Variants in MAPK10 observed in about 807,000 individuals in gnomAD.
The protein encoded by MAPK10 is mitogen-activated protein kinase 10.
Under a neutral mutation model 59.3 loss-of-function variants are expected in MAPK10, and 25 were observed. The observed-to-expected ratio is 0.42, with a 90% CI of 0.31 to 0.59. The LOEUF is 0.59. MAPK10 is among the 20% of genes least tolerant of loss of function. MAPK10 has a pLI of 0.15. For missense variants in MAPK10, 351 were observed against 568.9 expected (o/e 0.62, Z 3.90); for synonymous variants, 190 against 200.5 (o/e 0.95, Z 0.44).
chr4:86,241,770 A>C (rs2092736739), intron 2 of MAPK10, among the ~76,000 whole-genome samples: 3 of 152,168 alleles, frequency 2.0e-5, no homozygotes, highest in Admixed American at 2.0e-4. Context: ...ATTGGGTTAG[A>C]ATATGCTCCT....
chr4:86,513,058 C>CTTTTTTTCT (rs1229238225), intron 1 of MAPK10, among the ~76,000 whole-genome samples: 1 of 152,004 alleles, frequency 6.6e-6, no homozygotes, highest in East Asian at 1.9e-4. Flanking sequence ...CTAGAACATC[C>CTTTTTTTCT]TTTTTTTCTT....
chr4:86,114,818 G>A (rs1336590649), intron 4 of MAPK10, among the ~76,000 whole-genome samples: 1 of 152,232 alleles, frequency 6.6e-6, no homozygotes, highest in Non-Finnish European at 1.5e-5. Context: ...CCCCTCAGGG[G>A]CTCCTTCCCA....
rs377395477 is a variant in MAPK10, at chr4:86,548,217, A to G, written c.-263+45693T>C. Among the ~76,000 whole-genome samples the G allele has an allele frequency of 2.0e-5, 3 of 151,966 alleles. No individual in the cohort carries two copies. In the East Asian group the frequency reaches 5.8e-4, roughly 29 times the overall value. ...CACCGGGAGGAACAAACAACTCCAG[A>G]CGCGCTGCCTTAAGAGCTGTAACAC... On this transcript the variant is annotated intron_variant, in intron 1 of 4. Coordinates refer to the MAPK10 transcript ENST00000502302.
At chr4:86,074,403 A>C (rs2048761190) in intron 9 of MAPK10, among the ~76,000 whole-genome samples, 1 of 150,550 alleles carries the variant, frequency 6.6e-6, no homozygotes, top group Non-Finnish European at 1.5e-5. Context: ...ATTTAAAGTT[A>C]ATATTGTTAT....
chr4:86,128,773 T>C (rs2060511122), intron 4 of MAPK10, among the ~76,000 whole-genome samples: 1 of 152,068 alleles, frequency 6.6e-6, no homozygotes, highest in South Asian at 2.1e-4. Context: ...GCACAACACA[T>C]ATTGGAAAAA....
chr4:86,298,530 G>A (rs2095411633), intron 2 of MAPK10, among the ~76,000 whole-genome samples: 2 of 152,140 alleles, frequency 1.3e-5, no homozygotes, highest in African/African-American at 2.4e-5. Context: ...TGCAGACAAT[G>A]CCACAAGCAC....
intron 3 of MAPK10, among the ~76,000 whole-genome samples, chr4:86,183,900 G>T (rs1445917533): frequency 6.6e-6 from 1 of 152,174 alleles, no homozygotes; most frequent in Non-Finnish European, 1.5e-5. Context: ...GAGATGATGA[G>T]CATTTTTTCA....
chr4:86,264,476 T>A (rs1156606171), intron 2 of MAPK10, among the ~76,000 whole-genome samples: 3 of 152,220 alleles, frequency 2.0e-5, no homozygotes, highest in Admixed American at 1.3e-4. Flanking sequence ...ATCAGCCTTA[T>A]AGGCTGAATA....
chr4:86,022,859 A>AT (rs1748019435), intron 13 of MAPK10, among the ~76,000 whole-genome samples: 1 of 151,984 alleles, frequency 6.6e-6, no homozygotes, highest in African/African-American at 2.4e-5. Context: ...TGAGATATGT[A>AT]TTTTCAAATG....
chr4:86,124,708 T>C (rs1268899973), intron 4 of MAPK10: 1 of 152,060 alleles, frequency 6.6e-6, no homozygotes, highest in Non-Finnish European at 1.5e-5. Context: ...TCCATAATCA[T>C]ACTTTAGAAT....
At chr4:86,547,401 C>A (rs529507794) in intron 1 of MAPK10, among the ~76,000 whole-genome samples, 1 of 152,206 alleles carries the variant, frequency 6.6e-6, no homozygotes, top group Non-Finnish European at 1.5e-5. Flanking sequence ...AGCAGTCGGC[C>A]GGCCCCACCG....
intron 1 of MAPK10, among the ~76,000 whole-genome samples, chr4:86,565,631 G>A (rs1280392111): frequency 6.6e-6 from 1 of 152,174 alleles, no homozygotes; most frequent in Non-Finnish European, 1.5e-5. Context: ...CGTAGCAGAT[G>A]CAGCACACAT....
chr4:86,324,412 C>T (rs139567227), intron 2 of MAPK10, among the ~76,000 whole-genome samples: 22 of 150,900 alleles, frequency 1.5e-4, no homozygotes, highest in African/African-American at 3.4e-4. Context: ...GGAAACTCCA[C>T]CTCAAAAAAA....
chr4:86,292,856 G>A (rs2148824592), intron 2 of MAPK10, among the ~76,000 whole-genome samples: 1 of 152,254 alleles, frequency 6.6e-6, no homozygotes, highest in South Asian at 2.1e-4. Context: ...AAGCGGTGGT[G>A]GTCTCTGGTC....
At chr4:86,315,428 A>T (rs2095761676) in intron 2 of MAPK10, among the ~76,000 whole-genome samples, 1 of 152,142 alleles carries the variant, frequency 6.6e-6, no homozygotes, top group African/African-American at 2.4e-5. Context: ...TAACACAAAT[A>T]AATGCTTGAC....
intron 11 of MAPK10, among the ~76,000 whole-genome samples, chr4:86,063,702 G>T (rs1000310587): frequency 6.6e-6 from 1 of 152,136 alleles, no homozygotes; most frequent in Non-Finnish European, 1.5e-5. Flanking sequence ...GATTCTCCAT[G>T]TCTGGGTATC....
At position 86,335,513 on chromosome 4, in the gene MAPK10, C is replaced by T. The variant is rs544036064; in HGVS notation, c.-7+19017G>A. On this transcript the variant is annotated intron_variant, in intron 2 of 13. Coordinates refer to ENST00000641462, the MANE Select transcript of MAPK10 (RefSeq NM_138982.4). ...TTTAAATATTTTTGCTTTTCATCTT[C>T]TTGCTCTTCCTCTCTCACCCCCTTC... Among the ~76,000 whole-genome samples, 158 of 152,248 alleles carry T rather than the reference C, an allele frequency of 1.0e-3. 1 individual carries two copies. Among genetic ancestry groups the T allele is most frequent in the Middle Eastern group, 3.4e-3 (1 of 294 alleles).
At chr4:86,256,893 ATTG>A (rs1563678003) in intron 2 of MAPK10, among the ~76,000 whole-genome samples, 1 of 149,742 alleles carries the variant, frequency 6.7e-6, no homozygotes, top group African/African-American at 2.5e-5. Flanking sequence ...GGCGCCCGCC[ATTG>A]CGCCCGCCAT....
chr4:86,438,466 G>A (rs1007642287), intron 1 of MAPK10, among the ~76,000 whole-genome samples: 1 of 152,126 alleles, frequency 6.6e-6, no homozygotes, highest in South Asian at 2.1e-4. Flanking sequence ...GAGGGGGGTG[G>A]ATCATCTGAG....
Sources: allele counts gnomAD v4.1 joint callset (sites outside exome capture counted in the v4.1 genomes callset), GRCh38; gene constraint gnomAD v4.1.1; transcripts MANE v1.5; gene names NCBI Gene and HGNC (gene_info 2026-07-23, HGNC 2026-07-21).